CSMD1: variants seen among roughly 807,000 people sequenced by gnomAD.
The protein encoded by CSMD1 is CUB and Sushi multiple domains 1, also known as CUB and sushi domain-containing protein 1.
Under a neutral mutation model 417.5 loss-of-function variants are expected in CSMD1, and 213 were observed. The ratio of observed to expected loss-of-function variants is 0.51; its 90% CI spans 0.46 to 0.57. CSMD1 has a LOEUF of 0.57. Ranked by LOEUF, CSMD1 falls within the 20% of genes least tolerant of loss-of-function variation. The pLI is 0.00. For missense variants in CSMD1, 6,923 were observed against 4,529.7 expected, an observed-to-expected ratio of 1.53 and a Z score of -15.17; for synonymous variants, 2,862 against 1,736.8, an observed-to-expected ratio of 1.65 and a Z score of -16.11.
chr8:4,230,421 C>A (rs139529597), intron 3 of CSMD1, among the ~76,000 whole-genome samples: 1 of 152,156 alleles, frequency 6.6e-6, no homozygotes, highest in Non-Finnish European at 1.5e-5. Flanking sequence ...AATCCAAGGT[C>A]TAACCTGTGA....
At chr8:4,069,435 C>G (rs887307672) in intron 3 of CSMD1, among the ~76,000 whole-genome samples, 2 of 152,032 alleles carry the variant, frequency 1.3e-5, no homozygotes, top group Non-Finnish European at 2.9e-5. Flanking sequence ...TGATATTCAC[C>G]GTAAAGGAAA....
At chr8:3,743,370 G>T (rs922829635) in intron 6 of CSMD1, among the ~76,000 whole-genome samples, 1 of 152,182 alleles carries the variant, frequency 6.6e-6, no homozygotes, top group African/African-American at 2.4e-5. Flanking sequence ...TAGATAATTT[G>T]CCGTCCACAC....
intron 1 of CSMD1, among the ~76,000 whole-genome samples, chr8:4,994,091 C>A (rs1246177832): frequency 6.6e-6 from 1 of 152,014 alleles, no homozygotes. Context: ...AAAGAGATCT[C>A]TCCTGTGAGC....
chr8:3,274,238 T>G (rs1379156746), intron 26 of CSMD1, among the ~76,000 whole-genome samples: 2 of 151,978 alleles, frequency 1.3e-5, no homozygotes, highest in Non-Finnish European at 2.9e-5. Flanking sequence ...TTGAGCGGTT[T>G]TGAGTGAGAT....
intron 2 of CSMD1, among the ~76,000 whole-genome samples, chr8:4,607,351 A>G (rs1011599412): frequency 2.6e-5 from 4 of 152,168 alleles, no homozygotes; most frequent in African/African-American, 4.8e-5. Context: ...GGGACGGGCT[A>G]TTGATTCTGA....
chr8:3,086,805 T>C (rs921669427), intron 49 of CSMD1, among the ~76,000 whole-genome samples: 1 of 152,198 alleles, frequency 6.6e-6, no homozygotes, highest in African/African-American at 2.4e-5. Flanking sequence ...AAAAATTATT[T>C]TGAATCTTAA....
intron 10 of CSMD1, among the ~76,000 whole-genome samples, chr8:3,545,858 A>C (rs1027995965): frequency 1.3e-4 from 20 of 152,346 alleles, no homozygotes; most frequent in African/African-American, 4.3e-4. Flanking sequence ...CAAAAAGCAA[A>C]GTCAAGCAGT....
chr8:3,817,333 T>G (rs991770571), intron 5 of CSMD1, among the ~76,000 whole-genome samples: 1 of 135,608 alleles, frequency 7.4e-6, no homozygotes, highest in Non-Finnish European at 1.5e-5. Flanking sequence ...CAGGCTGGAG[T>G]ACAGTGGCGG....
At chr8:4,719,183 C>T (rs887886654) in intron 1 of CSMD1, among the ~76,000 whole-genome samples, 44 of 152,176 alleles carry the variant, frequency 2.9e-4, no homozygotes, top group African/African-American at 1.0e-3. Flanking sequence ...GACTACACAG[C>T]TAGAGAAAGT....
chr8:3,909,029 C>G (rs1440681222), intron 5 of CSMD1, among the ~76,000 whole-genome samples: 1 of 152,194 alleles, frequency 6.6e-6, no homozygotes, highest in Non-Finnish European at 1.5e-5. Flanking sequence ...CTTTCTTTTT[C>G]ACATTGTGGG....
intron 3 of CSMD1, among the ~76,000 whole-genome samples, chr8:4,171,481 AC>A (rs1797760863): frequency 6.6e-6 from 1 of 151,924 alleles, no homozygotes; most frequent in South Asian, 2.1e-4. Flanking sequence ...ATACATAAGA[AC>A]AGATGCATAT....
At chr8:4,727,684 A>T (rs2116939442) in intron 1 of CSMD1, among the ~76,000 whole-genome samples, 2 of 152,212 alleles carry the variant, frequency 1.3e-5, no homozygotes, top group South Asian at 4.1e-4. Context: ...ACCTGGAAAT[A>T]ACTTGCAAAG....
In CSMD1 at chr8:3,818,041, C is replaced by G. The variant is rs556813555; in HGVS notation, c.819-63999G>C. Among the ~76,000 whole-genome samples, 9 of 152,294 alleles carry G rather than the reference C, an allele frequency of 5.9e-5. No homozygotes were observed. In the East Asian group the frequency reaches 1.7e-3, roughly 29 times the overall value. Reference sequence around the variant, plus strand: ...AACCTTCCAACCCCAAACCACGACTCTCGTTCTATTCGGCTTGGAGCAGGC... The same window carrying G: ...AACCTTCCAACCCCAAACCACGACTGTCGTTCTATTCGGCTTGGAGCAGGC... On this transcript the variant is annotated intron_variant, in intron 5 of 69. Transcript: ENST00000635120.
chr8:4,391,577 G>T (rs546324470), intron 3 of CSMD1, among the ~76,000 whole-genome samples: 2 of 151,976 alleles, frequency 1.3e-5, no homozygotes, highest in East Asian at 3.9e-4. Context: ...GTGACTTTCA[G>T]CTACCCTATT....
At chr8:3,645,219 C>T (rs377437623) in intron 7 of CSMD1, among the ~76,000 whole-genome samples, 26 of 152,238 alleles carry the variant, frequency 1.7e-4, no homozygotes, top group African/African-American at 6.0e-4. Context: ...AATGCACAGT[C>T]CAAAGAAGAC....
intron 3 of CSMD1, among the ~76,000 whole-genome samples, chr8:4,147,108 C>T (rs1271194149): frequency 2.2e-4 from 33 of 151,848 alleles, no homozygotes; most frequent in Admixed American, 2.2e-3. Flanking sequence ...TAGAACCATC[C>T]CCTCCTGACC....
At chr8:3,777,692 G>C (rs1008973775) in intron 5 of CSMD1, among the ~76,000 whole-genome samples, 6 of 152,218 alleles carry the variant, frequency 3.9e-5, no homozygotes, top group Admixed American at 6.5e-5. Context: ...ACCCACGCCA[G>C]ACCTGCGGCC....
chr8:4,450,927 G>C (rs1208644415), intron 2 of CSMD1, among the ~76,000 whole-genome samples: 1 of 151,870 alleles, frequency 6.6e-6, no homozygotes, highest in Non-Finnish European at 1.5e-5. Context: ...GAGAGGAAAG[G>C]GCCAATAAAA....
intron 5 of CSMD1, among the ~76,000 whole-genome samples, chr8:3,770,241 T>C (rs1290937595): frequency 1.3e-5 from 2 of 152,204 alleles, no homozygotes; most frequent in East Asian, 3.9e-4. Context: ...AAGAAAATAC[T>C]AGGCAACTGG....
Sources: allele counts gnomAD v4.1 joint callset (sites outside exome capture counted in the v4.1 genomes callset), GRCh38; gene constraint gnomAD v4.1.1; transcripts MANE v1.5; gene names NCBI Gene and HGNC (gene_info 2026-07-23, HGNC 2026-07-21).